Variants in RASAL2 observed in about 807,000 individuals in gnomAD.
RASAL2 encodes ras GTPase-activating protein nGAP.
In RASAL2, 58 loss-of-function variants were observed where a neutral mutation model predicts 128.9. The observed-to-expected ratio is 0.45, with a 90% confidence interval of 0.36 to 0.56. The LOEUF is 0.56. Among genes scored for constraint, RASAL2 ranks in the 20% least tolerant of loss-of-function variants. The probability of loss-of-function intolerance (pLI) is 0.00; values close to 1 mark genes in which losing one functional copy is unlikely to be tolerated. For synonymous variants in RASAL2, 561 were observed against 580.8 expected (o/e 0.97, Z 0.49); for missense variants, 1,360 against 1,601.6 (o/e 0.85, Z 2.57).
intron 3 of RASAL2, among the ~76,000 whole-genome samples, chr1:178,311,432 A>G (rs1249118969): frequency 6.6e-6 from 1 of 152,074 alleles, no homozygotes; most frequent in Non-Finnish European, 1.5e-5. Context: ...TGAGCCAGAC[A>G]TATGTGGTAG....
At chr1:178,372,130 T>C (rs960942360) in intron 3 of RASAL2, 1 of 977,438 alleles carries the variant, frequency 1.0e-6, no homozygotes, top group African/African-American at 1.7e-5. Context: ...CATTACTGCC[T>C]AGCCAGCAAT....
chr1:178,417,324 G>A (rs189306293), intron 4 of RASAL2, among the ~76,000 whole-genome samples: 1 of 152,074 alleles, frequency 6.6e-6, no homozygotes, highest in Non-Finnish European at 1.5e-5. Flanking sequence ...TCTAAAGTCT[G>A]TATTAAATGG....
intron 1 of RASAL2, among the ~76,000 whole-genome samples, chr1:178,208,908 C>T (rs1235520179): frequency 1.3e-5 from 2 of 152,012 alleles, no homozygotes; most frequent in Non-Finnish European, 2.9e-5. Context: ...CCGGCCAACA[C>T]TTATGGAAAA....
intron 1 of RASAL2, among the ~76,000 whole-genome samples, chr1:178,140,569 G>T (rs1215378556): frequency 6.6e-6 from 1 of 152,146 alleles, no homozygotes; most frequent in Non-Finnish European, 1.5e-5. Context: ...CATGGTTGGA[G>T]TCAGACAGTA....
At chr1:178,148,433 C>CTTAT (rs543499669) in intron 1 of RASAL2, among the ~76,000 whole-genome samples, 3,691 of 151,120 alleles carry the variant, frequency 0.024, 83 homozygotes, top group African/African-American at 0.061. Context: ...CTATTTCATT[C>CTTAT]TTATTTATTT....
chr1:178,109,482 C>A (rs980744519), intron 1 of RASAL2, among the ~76,000 whole-genome samples: 1 of 152,148 alleles, frequency 6.6e-6, no homozygotes, highest in Non-Finnish European at 1.5e-5. Flanking sequence ...TCCTCTTGAG[C>A]CTGACTATAC....
At chr1:178,375,285 G>A (rs1671927172) in intron 3 of RASAL2, among the ~76,000 whole-genome samples, 1 of 152,112 alleles carries the variant, frequency 6.6e-6, no homozygotes, top group African/African-American at 2.4e-5. Context: ...AAGAAGTAAT[G>A]AGAGATAACA....
chr1:178,379,186 T>TA (rs898454555), intron 3 of RASAL2, among the ~76,000 whole-genome samples: 2 of 152,050 alleles, frequency 1.3e-5, no homozygotes, highest in Non-Finnish European at 2.9e-5. Flanking sequence ...GTAGAAGCAA[T>TA]AAAAAACTGT....
At chr1:178,137,834 A>G (rs1484585738) in intron 1 of RASAL2, among the ~76,000 whole-genome samples, 4 of 152,222 alleles carry the variant, frequency 2.6e-5, no homozygotes, top group Non-Finnish European at 5.9e-5. Flanking sequence ...ATTTAGTTAA[A>G]TGTATACCAA....
chr1:178,344,242 C>T (rs1441604353), intron 3 of RASAL2, among the ~76,000 whole-genome samples: 1 of 152,050 alleles, frequency 6.6e-6, no homozygotes, highest in Non-Finnish European at 1.5e-5. Context: ...AAAGATTTGG[C>T]TATAGTTGAT....
At chr1:178,221,747 T>C (rs563804815) in intron 1 of RASAL2, among the ~76,000 whole-genome samples, 1 of 152,274 alleles carries the variant, frequency 6.6e-6, no homozygotes, top group East Asian at 1.9e-4. Flanking sequence ...TTGAATGAAG[T>C]AGTCTGTAGA....
intron 3 of RASAL2, among the ~76,000 whole-genome samples, chr1:178,385,180 A>G (rs1374836663): frequency 6.6e-6 from 1 of 152,178 alleles, no homozygotes; most frequent in Admixed American, 6.5e-5. Context: ...GACCTGGTGG[A>G]GTTGGCTCAA....
intron 1 of RASAL2, among the ~76,000 whole-genome samples, chr1:178,159,750 GA>G: frequency 6.6e-6 from 1 of 152,008 alleles, no homozygotes; most frequent in African/African-American, 2.4e-5. Context: ...CCAGCATGGT[GA>G]AACTCTGTTT....
At chr1:178,192,181 G>A (rs1662517310) in intron 1 of RASAL2, among the ~76,000 whole-genome samples, 1 of 152,144 alleles carries the variant, frequency 6.6e-6, no homozygotes. Flanking sequence ...TGCCCCCAGA[G>A]TTTCGTGGTA....
chr1:178,386,224 G>A (rs1263664954), intron 3 of RASAL2, among the ~76,000 whole-genome samples: 2 of 152,170 alleles, frequency 1.3e-5, no homozygotes, highest in African/African-American at 2.4e-5. Flanking sequence ...TGACATAGAG[G>A]AATATGTGTA....
Position 178,437,788 on chromosome 1 carries a change from T to G in RASAL2, c.675-1634T>G, listed in dbSNP as rs1676350483. On this transcript the variant is annotated intron_variant, in intron 5 of 17. Transcript: ENST00000367649. ...AATCTTTCTAACATTTAATTATTTATAGTTGATGTACTATATTTGCAGTAC... is the reference window on the plus strand; with the variant it reads ...AATCTTTCTAACATTTAATTATTTAGAGTTGATGTACTATATTTGCAGTAC... Among the ~76,000 whole-genome samples, 4 of 152,152 alleles carry G rather than the reference T, an allele frequency of 2.6e-5. No homozygotes were observed. In the South Asian group the frequency reaches 8.3e-4, roughly 31 times the overall value.
Position 178,245,216 on chromosome 1 carries a change from C to A in RASAL2, c.203-38348C>A, listed in dbSNP as rs144106315. On this transcript the variant is annotated intron_variant, in intron 1 of 17. Transcript: ENST00000367649. ...CAACAGTGTAAAAGCGTTCCTATTTCTCCGCATCCTCGCCAGCATCTGTTG... is the reference window on the plus strand; with the variant it reads ...CAACAGTGTAAAAGCGTTCCTATTTATCCGCATCCTCGCCAGCATCTGTTG... Among the ~76,000 whole-genome samples the A allele has an allele frequency of 4.1e-3, 623 of 152,348 alleles. 4 individuals carry two copies. Among genetic ancestry groups the A allele is most frequent in the Non-Finnish European group, 4.9e-3 (332 of 68,024 alleles).
rs758295887 is a variant in RASAL2, at chr1:178,442,851, C to G, written c.1104C>G (p.Ser368Arg). The G allele has an allele frequency of 1.2e-6, 2 of 1,613,942 alleles. No individual in the cohort carries two copies. The highest frequency in any genetic ancestry group is 1.7e-6 in the Non-Finnish European group (2 of 1,179,938). The stretch of plus-strand genomic sequence containing the variant: ...GGGGCGAACATTTTGAATTCTTCAG[C>G]CTTCCACCTCTTCATAGTATCACAG... The part of the protein sequence containing the change: ...IFWGEHFEFF[S>R]LPPLHSITVH... Residue 368 changes from serine (S) to arginine (R), a missense_variant, in exon 8 of 18, where the codon AGC becomes AGG. Coordinates refer to ENST00000367649, the MANE Select transcript of RASAL2 (RefSeq NM_170692.4).
intron 1 of RASAL2, among the ~76,000 whole-genome samples, chr1:178,165,614 A>G (rs1309312214): frequency 6.6e-6 from 1 of 152,190 alleles, no homozygotes; most frequent in Non-Finnish European, 1.5e-5. Context: ...ACAAATGCAA[A>G]CACAGTATGT....
Sources: allele counts gnomAD v4.1 joint callset (sites outside exome capture counted in the v4.1 genomes callset), GRCh38; gene constraint gnomAD v4.1.1; transcripts MANE v1.5; gene names NCBI Gene and HGNC (gene_info 2026-07-23, HGNC 2026-07-21).